CBL: variants seen among roughly 807,000 people sequenced by gnomAD.
CBL encodes Cbl proto-oncogene.
A neutral mutation model predicts 96.9 loss-of-function variants in CBL; 45 were observed. The ratio of observed to expected loss-of-function variants is 0.46; its 90% CI spans 0.37 to 0.60. The LOEUF (loss-of-function observed/expected upper bound fraction) is 0.60. CBL is among the 20% of genes least tolerant of loss of function. The probability of loss-of-function intolerance (pLI) is 0.00; values close to 1 mark genes in which losing one functional copy is unlikely to be tolerated. For synonymous variants in CBL, 420 were observed against 426.8 expected (o/e 0.98, Z 0.20); for missense variants, 1,024 against 1,143.5 (o/e 0.90, Z 1.51).
intron 1 of CBL, among the ~76,000 whole-genome samples, chr11:119,206,952 G>T (rs1949274762): frequency 6.6e-6 from 1 of 152,082 alleles, no homozygotes; most frequent in African/African-American, 2.4e-5. Context: ...CTCTGTGCAG[G>T]GTGTAGGGAT....
At position 119,278,500 on chromosome 11, in the gene CBL, T is replaced by G. The variant is rs754477196; in HGVS notation, c.1228-10T>G. ...GATGCATCTGTTACTATCTTTTGCT[T>G]CTTCTGCAGGAATCAGAAGGTCAGG... On this transcript the variant is annotated splice_polypyrimidine_tract_variant and intron_variant, in intron 8 of 15. Coordinates refer to ENST00000264033, the MANE Select transcript of CBL (RefSeq NM_005188.4). 57 of 1,611,404 alleles carry G rather than the reference T, an allele frequency of 3.5e-5. No homozygotes were observed. Among genetic ancestry groups the G allele is most frequent in the African/African-American group, 1.9e-4 (14 of 74,996 alleles).
intron 1 of CBL, among the ~76,000 whole-genome samples, chr11:119,219,044 C>T (rs1411941266): frequency 6.6e-6 from 1 of 152,032 alleles, no homozygotes; most frequent in Admixed American, 6.6e-5. Context: ...TGGTGAAACC[C>T]TTCTTTATTT....
chr11:119,266,095 C>T (rs1178379811), intron 2 of CBL, among the ~76,000 whole-genome samples: 1 of 150,458 alleles, frequency 6.6e-6, no homozygotes, highest in Non-Finnish European at 1.5e-5. Context: ...ATTCAGGAGG[C>T]TGAGGTGAGA....
intron 2 of CBL, among the ~76,000 whole-genome samples, chr11:119,244,650 C>T (rs1372212157): frequency 3.4e-5 from 5 of 146,814 alleles, no homozygotes; most frequent in Admixed American, 2.7e-4. Flanking sequence ...GGCGTGATCT[C>T]GGCTCACTGC....
In CBL at chr11:119,290,440, A is replaced by G. The variant is rs555236556; in HGVS notation, c.2036+2494A>G. On this transcript the variant is annotated intron_variant, in intron 12 of 15. Transcript: ENST00000264033. ...GAGGCCAAGGCGGGTGGATCACATC[A>G]GGAGATTGAGACCATCCTGGCTAAT... is the stretch of plus-strand genomic sequence containing the variant. 7.3e-5 allele frequency among the ~76,000 whole-genome samples: 11 copies of G among 150,942 alleles called. No homozygotes were observed. In the South Asian group the frequency reaches 2.3e-3, roughly 32 times the overall value.
rs1305555737 is a variant in CBL, at chr11:119,306,252, G to GA, written c.*6476dup. 1 of 398,464 alleles carries GA rather than the reference G, an allele frequency of 2.5e-6. No individual in the cohort carries two copies. The highest frequency in any genetic ancestry group is 2.1e-5 in the African/African-American group (1 of 48,594). 24.7% of individuals were successfully genotyped at this position (398,464 alleles called of 1,614,324 possible). On this transcript the variant is annotated 3_prime_UTR_variant, in exon 16 of 16. Coordinates refer to ENST00000264033, the MANE Select transcript of CBL (RefSeq NM_005188.4). ...GCCCCTTCCTGGGTACAGAGCTTGA[G>GA]AAAAATGCAGCCGACCACTCCCTGT...
chr11:119,272,983 T>A (rs892643439), intron 3 of CBL, among the ~76,000 whole-genome samples: 3 of 150,578 alleles, frequency 2.0e-5, no homozygotes, highest in Admixed American at 6.6e-5. Flanking sequence ...TCGTTTTATT[T>A]TTTTTTTTTT....
Position 119,215,429 on chromosome 11 carries a change from AT to A in CBL, c.195+8833del, listed in dbSNP as rs34686872. Among the ~76,000 whole-genome samples, 910 of 144,182 alleles carry A rather than the reference AT, an allele frequency of 6.3e-3. 6 individuals carry two copies. The highest frequency in any genetic ancestry group is 0.011 in the Admixed American group (152 of 14,290). The allele number at this position is 144,182 out of a possible 152,430, so 94.6% of individuals were successfully genotyped here. A position where few individuals can be genotyped will look rare whatever the true frequency, so the allele number is the denominator to read the frequency against. On this transcript the variant is annotated intron_variant, in intron 1 of 15. Transcript: ENST00000264033. ...AAATATTCGTTTGAAAACAGCCTAA[AT>A]TTTTTTTTTTTTTTTGAGGTTGCGT... is the stretch of plus-strand genomic sequence containing the variant.
chr11:119,268,838 A>G (rs1949821967), intron 2 of CBL, among the ~76,000 whole-genome samples: 1 of 152,228 alleles, frequency 6.6e-6, no homozygotes, highest in Non-Finnish European at 1.5e-5. Flanking sequence ...TGCTTCAGAA[A>G]GAGCTCTGGT....
chr11:119,211,193 G>A (rs1949315746), intron 1 of CBL, among the ~76,000 whole-genome samples: 2 of 152,056 alleles, frequency 1.3e-5, no homozygotes, highest in South Asian at 4.1e-4. Flanking sequence ...CCAAAAAGGT[G>A]AAACCCTGTC....
At chr11:119,222,666 T>G (rs984006117) in intron 1 of CBL, among the ~76,000 whole-genome samples, 5 of 151,208 alleles carry the variant, frequency 3.3e-5, no homozygotes, top group Admixed American at 6.6e-5. Context: ...TTTTGGTGAA[T>G]TTTTGTTTTT....
chr11:119,260,837 C>T (rs565326752), intron 2 of CBL, among the ~76,000 whole-genome samples: 27 of 151,514 alleles, frequency 1.8e-4, no homozygotes, highest in East Asian at 5.8e-4. Flanking sequence ...CTATCATTTT[C>T]GGTCTTAAAA....
Position 119,299,480 on chromosome 11 carries a change from T to C in CBL, c.2435-15T>C, listed in dbSNP as rs1360482037. 1 of 1,612,642 alleles carries C rather than the reference T, an allele frequency of 6.2e-7. No homozygotes were observed. The highest frequency in any genetic ancestry group is 1.1e-5 in the South Asian group (1 of 91,040). ...TCCCCAGATTTGCAAATATTTTCTT[T>C]CCTATTTCTTCTAGATGTCACTGAA... On this transcript the variant is annotated splice_polypyrimidine_tract_variant and intron_variant, in intron 15 of 15. Transcript: ENST00000264033.
chr11:119,283,268 A>T (rs866535378), intron 9 of CBL, among the ~76,000 whole-genome samples: 1 of 152,246 alleles, frequency 6.6e-6, no homozygotes, highest in Non-Finnish European at 1.5e-5. Context: ...TTAGCTGCTC[A>T]TGCTGCATTG....
Position 119,277,686 on chromosome 11 carries a change from T to A in CBL, c.1008-71T>A. 3 of 980,144 alleles carry A rather than the reference T, an allele frequency of 3.1e-6. No homozygotes were observed. The South Asian group carries it at 3.9e-5, about 13-fold the overall frequency. The allele number at this position is 980,144 out of a possible 1,614,324, so 60.7% of individuals were successfully genotyped here. Reference sequence around the variant, plus strand: ...TTTTAGAATGGAGAAACTCCCAGATTCCATTTGTCTATATTAGCAAGCACT... The same window carrying A: ...TTTTAGAATGGAGAAACTCCCAGATACCATTTGTCTATATTAGCAAGCACT... On this transcript the variant is annotated intron_variant, in intron 6 of 15. Coordinates refer to ENST00000264033, the MANE Select transcript of CBL (RefSeq NM_005188.4).
intron 2 of CBL, among the ~76,000 whole-genome samples, chr11:119,236,588 CTTT>C (rs746993636): frequency 6.7e-5 from 8 of 119,116 alleles, no homozygotes; most frequent in Admixed American, 3.5e-4. Context: ...GTTTTCACTT[CTTT>C]TGAGTATATA....
intron 2 of CBL, among the ~76,000 whole-genome samples, chr11:119,244,842 A>C (rs777331006): frequency 6.7e-6 from 1 of 149,824 alleles, no homozygotes; most frequent in Non-Finnish European, 1.5e-5. Flanking sequence ...GTGAGCCAGC[A>C]TGGTTGGCCT....
chr11:119,236,556 A>G (rs1008158032), intron 2 of CBL, among the ~76,000 whole-genome samples: 66 of 149,632 alleles, frequency 4.4e-4, no homozygotes, highest in African/African-American at 1.6e-3. Flanking sequence ...GGCTATAGCC[A>G]TATAAACATA....
chr11:119,294,912 T>C (rs971809411), intron 12 of CBL, among the ~76,000 whole-genome samples: 1 of 152,220 alleles, frequency 6.6e-6, no homozygotes, highest in African/African-American at 2.4e-5. Flanking sequence ...CATTCTTCCT[T>C]GTATGAAATC....
Sources: allele counts gnomAD v4.1 joint callset (sites outside exome capture counted in the v4.1 genomes callset), GRCh38; gene constraint gnomAD v4.1.1; transcripts MANE v1.5; gene names NCBI Gene and HGNC (gene_info 2026-07-23, HGNC 2026-07-21).